PAPPA: variants seen among roughly 807,000 people sequenced by gnomAD.
PAPPA encodes the protein pappalysin 1.
A neutral mutation model predicts 164.0 loss-of-function variants in PAPPA; 60 were observed. The ratio of observed to expected loss-of-function variants is 0.37; its 90% CI spans 0.30 to 0.45. The LOEUF is 0.45. PAPPA is among the 20% of genes least tolerant of loss of function. The pLI is 1.00. For synonymous variants in PAPPA, 875 were observed against 814.1 expected (o/e 1.07, Z -1.27); for missense variants, 1,782 against 2,087.3 (o/e 0.85, Z 2.85).
intron 10 of PAPPA, among the ~76,000 whole-genome samples, chr9:116,312,181 C>G (rs1845726069): frequency 6.6e-6 from 1 of 152,116 alleles, no homozygotes; most frequent in South Asian, 2.1e-4. Context: ...TCCACATCCT[C>G]TTTAGCTTCA....
At chr9:116,340,703 T>G (rs2118968310) in intron 13 of PAPPA, among the ~76,000 whole-genome samples, 1 of 152,156 alleles carries the variant, frequency 6.6e-6, no homozygotes, top group South Asian at 2.1e-4. Context: ...CTAAGAAATG[T>G]CCCATGAAAA....
intron 1 of PAPPA, among the ~76,000 whole-genome samples, chr9:116,163,989 C>A (rs944462881): frequency 6.6e-6 from 1 of 152,156 alleles, no homozygotes; most frequent in African/African-American, 2.4e-5. Context: ...CTAGCCCCCA[C>A]AAATATCCAG....
At chr9:116,306,052 T>C (rs1845641157) in intron 10 of PAPPA, among the ~76,000 whole-genome samples, 1 of 152,234 alleles carries the variant, frequency 6.6e-6, no homozygotes, top group Non-Finnish European at 1.5e-5. Context: ...TGAAATAACC[T>C]AGTCATTCCC....
At position 116,187,354 on chromosome 9, in the gene PAPPA, C is replaced by A; in HGVS notation, c.616C>A (p.Gln206Lys). Reference protein sequence around the residue: ...WVYLAATYDGQFMKLYVNGAQ... With the variant: ...WVYLAATYDGKFMKLYVNGAQ... ...ATACCTAGCTGCCACCTATGATGGG[C>A]AGTTCATGAAGCTCTATGTGAATGG... Residue 206 changes from glutamine to lysine, a missense_variant, in exon 2 of 22, where the codon CAG (glutamine) becomes AAG (lysine). By Grantham distance (53) the Gln-to-Lys change is moderately conservative (BLOSUM62 1). Transcript: ENST00000328252. This position sits in a 1 kb window ranked among gnomAD's most constrained non-coding sequence, Gnocchi z 4.2. 1 of 1,614,104 alleles carries A rather than the reference C, an allele frequency of 6.2e-7. No homozygotes were observed. The highest frequency in any genetic ancestry group is 1.1e-5 in the South Asian group (1 of 91,076).
At chr9:116,391,477 T>C (rs903541900) in intron 21 of PAPPA, among the ~76,000 whole-genome samples, 7 of 152,144 alleles carry the variant, frequency 4.6e-5, no homozygotes, top group Non-Finnish European at 1.0e-4. Flanking sequence ...CATGCTCTGC[T>C]AGTTACCTCC....
At chr9:116,221,930 C>T (rs1844451713) in intron 5 of PAPPA, among the ~76,000 whole-genome samples, 1 of 152,164 alleles carries the variant, frequency 6.6e-6, no homozygotes, top group African/African-American at 2.4e-5. Flanking sequence ...TGTCACCACA[C>T]ACCTGTTAGA....
At chr9:116,355,362 GAC>G (rs1846339340) in intron 17 of PAPPA, among the ~76,000 whole-genome samples, 1 of 152,218 alleles carries the variant, frequency 6.6e-6, no homozygotes, top group Admixed American at 6.5e-5. Flanking sequence ...CCCCCATGGT[GAC>G]ACAGCTGGCA....
At position 116,353,640 on chromosome 9, in the gene PAPPA, G is replaced by A. The variant is rs1274962696; in HGVS notation, c.4194G>A (p.Gln1398=). The change falls in exon 17 of 22, where the codon CAG becomes CAA. Residue 1398 remains glutamine (Q), a synonymous_variant. Transcript: ENST00000328252. ...RKSKKRAFKT[Q]CTQDGSWQEG... is the part of the protein sequence containing the mutation. ...CTTGAAGACGGGCCTTCAAGACTCA[G>A]TGTACCCAGGATGGCAGCTGGCAGG... The A allele has an allele frequency of 1.9e-6, 3 of 1,613,994 alleles. No homozygotes were observed. Among genetic ancestry groups the A allele is most frequent in the South Asian group, 1.1e-5 (1 of 91,044 alleles).
chr9:116,263,695 C>A (rs1216008243), intron 7 of PAPPA, among the ~76,000 whole-genome samples: 1 of 152,082 alleles, frequency 6.6e-6, no homozygotes, highest in Non-Finnish European at 1.5e-5. Context: ...AAACACCGGC[C>A]CATGACTTCC....
chr9:116,320,631 T>C (rs1845842588), intron 10 of PAPPA, among the ~76,000 whole-genome samples: 1 of 152,170 alleles, frequency 6.6e-6, no homozygotes, highest in Non-Finnish European at 1.5e-5. Flanking sequence ...AAAGCTGCTC[T>C]GGAGGCCTGG....
chr9:116,158,987 T>C (rs530465111), intron 1 of PAPPA, among the ~76,000 whole-genome samples: 1 of 152,340 alleles, frequency 6.6e-6, no homozygotes, highest in Non-Finnish European at 1.5e-5. Context: ...AACCTTTCTG[T>C]GGAACATTTC....
At chr9:116,336,264 A>G (rs1408344637) in intron 13 of PAPPA, among the ~76,000 whole-genome samples, 1 of 152,068 alleles carries the variant, frequency 6.6e-6, no homozygotes, top group Non-Finnish European at 1.5e-5. Context: ...AGAGGGGGAC[A>G]CTAGCCTTTC....
At chr9:116,384,114 A>C (rs1846770586) in intron 21 of PAPPA, among the ~76,000 whole-genome samples, 1 of 151,988 alleles carries the variant, frequency 6.6e-6, no homozygotes, top group East Asian at 1.9e-4. Flanking sequence ...TTTACTTAGC[A>C]CAGGAAATCT....
chr9:116,387,853 A>G (rs944288854), intron 21 of PAPPA, among the ~76,000 whole-genome samples: 4 of 152,176 alleles, frequency 2.6e-5, no homozygotes, highest in Admixed American at 1.3e-4. Context: ...GTCTTGCCCA[A>G]GCGTCTTGTC....
intron 2 of PAPPA, among the ~76,000 whole-genome samples, chr9:116,203,705 A>T (rs532256696): frequency 6.6e-6 from 1 of 152,206 alleles, no homozygotes; most frequent in Non-Finnish European, 1.5e-5. Context: ...TCTAATCCTT[A>T]TGATGCCCCT....
chr9:116,154,091 AG>A lies in PAPPA; in HGVS notation c.-81del. The A allele has an allele frequency of 8.8e-7, 1 of 1,132,722 alleles. No homozygotes were observed. The highest frequency in any genetic ancestry group is 1.8e-5 in the South Asian group (1 of 56,916). 70.2% of individuals were successfully genotyped at this position (1,132,722 alleles called of 1,614,324 possible). ...CCAAGAAGGGTGAAGAAGCGAAGAA[AG>A]TCGAGGCGCCGAGGCTCCCAAAGCT... On this transcript the variant is annotated 5_prime_UTR_variant, in exon 1 of 22. Coordinates refer to ENST00000328252, the MANE Select transcript of PAPPA (RefSeq NM_002581.5). The surrounding 1 kb of genome is among the most constrained non-coding windows in gnomAD (Gnocchi z 5.2).
chr9:116,202,115 C>T (rs1052545067), intron 2 of PAPPA, among the ~76,000 whole-genome samples: 7 of 152,126 alleles, frequency 4.6e-5, no homozygotes, highest in African/African-American at 1.7e-4. Flanking sequence ...GTAAGCTGTA[C>T]CATTGAAACG....
At chr9:116,379,062 C>T (rs977693550) in intron 20 of PAPPA, among the ~76,000 whole-genome samples, 3 of 152,202 alleles carry the variant, frequency 2.0e-5, no homozygotes, top group African/African-American at 7.2e-5. Context: ...GTTACCTGGG[C>T]ACTCATTCTG....
At chr9:116,377,208 G>A (rs111549550) in intron 19 of PAPPA, among the ~76,000 whole-genome samples, 5 of 146,154 alleles carry the variant, frequency 3.4e-5, no homozygotes, top group African/African-American at 1.3e-4. Flanking sequence ...ACACACACAT[G>A]CGCACACACA....
Sources: allele counts gnomAD v4.1 joint callset (sites outside exome capture counted in the v4.1 genomes callset), GRCh38; gene constraint gnomAD v4.1.1; non-coding constraint Gnocchi (gnomAD v3.1); transcripts MANE v1.5; gene names NCBI Gene and HGNC (gene_info 2026-07-23, HGNC 2026-07-21).